The following SLC9A6 variants were observed in gnomAD, a reference collection of about 807,000 sequenced individuals.
The protein encoded by SLC9A6 is sodium/hydrogen exchanger 6.
In SLC9A6, 6 loss-of-function variants were observed where a neutral mutation model predicts 45.3. That is an observed-to-expected ratio of 0.13 (90% CI 0.07 to 0.26). The LOEUF (loss-of-function observed/expected upper bound fraction) is 0.26. SLC9A6 is among the 10% of genes least tolerant of loss of function. The pLI is 1.00. For synonymous variants in SLC9A6, 191 were observed against 187.7 expected, an observed-to-expected ratio of 1.02 and a Z score of -0.14; for missense variants, 278 against 503.7, an observed-to-expected ratio of 0.55 and a Z score of 4.29.
At chrX:136,025,638 CATTT>C (rs1234674399) in intron 13 of SLC9A6, among the ~76,000 whole-genome samples, 2 of 111,716 alleles carry the variant, frequency 1.8e-5, no homozygotes, top group African/African-American at 3.3e-5. Flanking sequence ...GAGGACCTGG[CATTT>C]ATTGAACACT....
chrX:136,007,977 TAATG>T (rs782209740), intron 7 of SLC9A6, among the ~76,000 whole-genome samples: 1 of 111,314 alleles, frequency 9.0e-6, no homozygotes, highest in South Asian at 3.7e-4. Context: ...TCCAAAAGTG[TAATG>T]GAGACCTTTT....
intron 11 of SLC9A6, among the ~76,000 whole-genome samples, chrX:136,021,631 A>G (rs2071128442): frequency 8.9e-6 from 1 of 111,924 alleles, no homozygotes; most frequent in Non-Finnish European, 1.9e-5. Context: ...GGTTCAAGCA[A>G]TTCTCGTGCC....
chrX:136,037,509 A>T (rs2148207361), intron 16 of SLC9A6, among the ~76,000 whole-genome samples: 1 of 112,124 alleles, frequency 8.9e-6, no homozygotes, highest in African/African-American at 3.2e-5. Flanking sequence ...AATGGTATTT[A>T]CTCTGTTTTA....
At chrX:136,031,367 T>TA (rs2071316632) in intron 15 of SLC9A6, among the ~76,000 whole-genome samples, 2 of 112,323 alleles carry the variant, frequency 1.8e-5, no homozygotes, top group Admixed American at 1.9e-4. Flanking sequence ...AGTCGTGACA[T>TA]ACAGAACAAA....
At chrX:136,018,009 C>T (rs1323061662) in intron 11 of SLC9A6, among the ~76,000 whole-genome samples, 2 of 110,393 alleles carry the variant, frequency 1.8e-5, no homozygotes, top group African/African-American at 6.9e-5. Context: ...TTCCCCCAAA[C>T]TGAGTGAGCT....
chrX:136,008,533 G>C (rs781845839), intron 7 of SLC9A6, among the ~76,000 whole-genome samples: 2 of 112,425 alleles, frequency 1.8e-5, no homozygotes, highest in African/African-American at 6.5e-5. Context: ...GAGCCACTGC[G>C]TCCGGCCAAG....
chrX:136,038,846 C>T (rs1183876000), intron 16 of SLC9A6, among the ~76,000 whole-genome samples: 3 of 108,254 alleles, frequency 2.8e-5, no homozygotes, highest in Admixed American at 2.0e-4. Flanking sequence ...CTCAGTACTA[C>T]CCATTCAGTA....
At chrX:136,040,019 G>A in intron 16 of SLC9A6, 57 bp from the exon 17 acceptor site, 4 of 941,976 alleles carry the variant, frequency 4.2e-6, no homozygotes, top group South Asian at 4.1e-5. Context: ...ATTATCAAAC[G>A]AGTTGCTCTT....
At chrX:135,975,796 C>T (rs782577059) in intron 1 of SLC9A6, among the ~76,000 whole-genome samples, 1 of 110,828 alleles carries the variant, frequency 9.0e-6, no homozygotes, top group East Asian at 2.8e-4. Flanking sequence ...CTTGAGCTTC[C>T]TCAAAGCTGG....
intron 16 of SLC9A6, 168 bp from the exon 17 acceptor site, chrX:136,039,908 C>G (rs1556622299): frequency 2.0e-6 from 1 of 488,973 alleles, no homozygotes; most frequent in African/African-American, 2.4e-5. Context: ...ATAAAATACC[C>G]CTTTGCTGTT....
upstream of SLC9A6, among the ~76,000 whole-genome samples, chrX:135,982,187 T>G (rs1439874599): frequency 1.2e-4 from 13 of 111,309 alleles, no homozygotes; most frequent in Admixed American, 9.5e-4. Flanking sequence ...TGATAATCCC[T>G]GGACTATCCC....
intron 8 of SLC9A6, among the ~76,000 whole-genome samples, chrX:136,011,962 C>T (rs1213211036): frequency 1.3e-4 from 14 of 111,686 alleles, no homozygotes; most frequent in Admixed American, 9.4e-5. Context: ...TGGTGGTGGG[C>T]GCCTGTAGTC....
chrX:136,009,813 A>G (rs2070884292), intron 7 of SLC9A6, among the ~76,000 whole-genome samples: 1 of 112,205 alleles, frequency 8.9e-6, no homozygotes, highest in Non-Finnish European at 1.9e-5. Context: ...TTGAGGTGGA[A>G]GATCCAGCTG....
rs2070901792 is a variant in SLC9A6 at position 136,010,603 on chromosome X, A to G, written c.885+20A>G. The G allele has an allele frequency of 4.2e-6, 5 of 1,191,816 alleles. No homozygotes were observed. Among genetic ancestry groups the G allele is most frequent in the Non-Finnish European group, 5.7e-6 (5 of 877,416 alleles). On this transcript the variant is annotated intron_variant, in intron 8 of 17. Transcript: ENST00000630721. ...GCTTTAATATCCTTTTGTTATATTT[A>G]TCTTTTCTTGTTAACATAATATAGT...
chrX:136,023,923 T>C (rs2071182987), intron 12 of SLC9A6, among the ~76,000 whole-genome samples: 1 of 110,248 alleles, frequency 9.1e-6, no homozygotes, highest in African/African-American at 3.3e-5. Flanking sequence ...GGAGTCTTGC[T>C]CTGTCACTCA....
upstream of SLC9A6, among the ~76,000 whole-genome samples, chrX:135,984,638 T>C (rs1360148882): frequency 2.7e-5 from 3 of 111,552 alleles, no homozygotes; most frequent in African/African-American, 9.8e-5. Context: ...TCCTGAGGAA[T>C]ACTAAAGAGG....
chrX:136,016,026 A>G (rs2071012843), intron 10 of SLC9A6, among the ~76,000 whole-genome samples: 1 of 110,835 alleles, frequency 9.0e-6, no homozygotes, highest in South Asian at 3.9e-4. Context: ...AGTTCCCCCC[A>G]CAGATAGTTC....
At chrX:136,043,578 C>T (rs1399289066) in intron 17 of SLC9A6, among the ~76,000 whole-genome samples, 5 of 111,758 alleles carry the variant, frequency 4.5e-5, no homozygotes, top group Non-Finnish European at 9.4e-5. Context: ...TATGCTAGAT[C>T]AATGTGAATA....
chrX:136,022,665 G>T lies in SLC9A6; in HGVS notation c.1274G>T (p.Gly425Val). 1 of 1,191,529 alleles carries T rather than the reference G, an allele frequency of 8.4e-7. No homozygotes were observed. Among genetic ancestry groups the T allele is most frequent in the Non-Finnish European group, 1.1e-6 (1 of 880,088 alleles). ...AATTTGGGTAGAAGAAGTAAGATTGGATCAAATTTTCAACACATGATGATG... is the reference window on the plus strand; with the variant it reads ...AATTTGGGTAGAAGAAGTAAGATTGTATCAAATTTTCAACACATGATGATG... ...LLNLGRRSKI[G>V]SNFQHMMMFA... Residue 425 changes from glycine to valine, a missense_variant, in exon 12 of 18, where the codon GGA (glycine) becomes GTA (valine). Gly to Val is a moderately radical substitution (Grantham distance 109). Around this residue, in one of 5 missense-constraint regions of SLC9A6, gnomAD observed 41 missense variants for 51.8 expected, o/e 0.79. Transcript: ENST00000630721.
Sources: allele counts gnomAD v4.1 joint callset (sites outside exome capture counted in the v4.1 genomes callset), GRCh38; gene constraint gnomAD v4.1.1; regional missense constraint gnomAD v4.1.1; transcripts MANE v1.5; gene names NCBI Gene and HGNC (gene_info 2026-07-23, HGNC 2026-07-21).